Variants in SCP2 observed in about 807,000 individuals in gnomAD.
The protein encoded by SCP2 is SCP-2/3-oxoacyl-CoA thiolase.
Under a neutral mutation model 71.4 loss-of-function variants are expected in SCP2, and 48 were observed. The ratio of observed to expected loss-of-function variants is 0.67; its 90% CI spans 0.53 to 0.86. The LOEUF (loss-of-function observed/expected upper bound fraction) is 0.86. SCP2 is among the 40% of genes least tolerant of loss of function. The pLI is 0.00. For missense variants in SCP2, 560 were observed against 655.6 expected (o/e 0.85, Z 1.59); for synonymous variants, 220 against 218.1 (o/e 1.01, Z -0.08).
At chr1:52,936,687 T>A (rs940827166) in intron 1 of SCP2, among the ~76,000 whole-genome samples, 20 of 152,214 alleles carry the variant, frequency 1.3e-4, no homozygotes, top group Admixed American at 3.9e-4. Context: ...GACACTTTTT[T>A]AAAATAAATG....
At chr1:52,981,783 T>A (rs1658524330) in intron 10 of SCP2, among the ~76,000 whole-genome samples, 1 of 149,928 alleles carries the variant, frequency 6.7e-6, no homozygotes, top group Non-Finnish European at 1.5e-5. Flanking sequence ...TATATATATA[T>A]AAAATGTATA....
intron 4 of SCP2, among the ~76,000 whole-genome samples, chr1:52,953,697 T>A (rs867600670): frequency 1.3e-5 from 2 of 152,146 alleles, no homozygotes; most frequent in South Asian, 4.1e-4. Context: ...ATAATTTTTC[T>A]GTTATTAAAA....
chr1:52,967,436 A>G (rs1055763848), intron 6 of SCP2, among the ~76,000 whole-genome samples: 1 of 152,130 alleles, frequency 6.6e-6, no homozygotes, highest in African/African-American at 2.4e-5. Flanking sequence ...ATCAATTTGT[A>G]TAGAAGTCTG....
intron 11 of SCP2, among the ~76,000 whole-genome samples, chr1:53,002,316 G>C (rs567403164): frequency 6.6e-6 from 1 of 152,288 alleles, no homozygotes; most frequent in Admixed American, 6.5e-5. Context: ...ATATTTAAAG[G>C]GATAGTTGAA....
At chr1:53,014,408 G>T (rs773683505) in intron 11 of SCP2, among the ~76,000 whole-genome samples, 31 of 152,080 alleles carry the variant, frequency 2.0e-4, no homozygotes, top group Non-Finnish European at 4.3e-4. Context: ...TTATTATTCA[G>T]GGGACAGAAT....
At chr1:53,005,987 AG>A (rs1443146723) in intron 11 of SCP2, among the ~76,000 whole-genome samples, 2 of 152,236 alleles carry the variant, frequency 1.3e-5, no homozygotes, top group Admixed American at 6.5e-5. Context: ...CACATGCCAA[AG>A]CTTCAGTAGC....
chr1:53,014,254 A>T (rs1414086100), intron 11 of SCP2, among the ~76,000 whole-genome samples: 3 of 152,076 alleles, frequency 2.0e-5, no homozygotes, highest in Non-Finnish European at 4.4e-5. Flanking sequence ...GGTCCGATAG[A>T]AAGGCAAACA....
chr1:52,962,026 C>T (rs576356995), intron 6 of SCP2, among the ~76,000 whole-genome samples: 59 of 152,224 alleles, frequency 3.9e-4, no homozygotes, highest in Middle Eastern at 6.8e-3. Flanking sequence ...CCCAGCCTCT[C>T]GAATAGCTGG....
chr1:53,025,466 T>C (rs1211998516), intron 12 of SCP2, among the ~76,000 whole-genome samples: 1 of 152,216 alleles, frequency 6.6e-6, no homozygotes, highest in Non-Finnish European at 1.5e-5. Context: ...TTTTATAAAA[T>C]AGTATACTTA....
intron 14 of SCP2, among the ~76,000 whole-genome samples, chr1:53,043,816 T>C (rs901825579): frequency 6.6e-6 from 1 of 152,216 alleles, no homozygotes; most frequent in Non-Finnish European, 1.5e-5. Flanking sequence ...TCGTGCTCTT[T>C]GATGTTATAT....
intron 1 of SCP2, among the ~76,000 whole-genome samples, chr1:52,928,171 C>T (rs144537681): frequency 9.8e-4 from 150 of 152,340 alleles, no homozygotes; most frequent in Non-Finnish European, 2.0e-3. Context: ...CCTGACTTTC[C>T]CCTAGAGCCT....
chr1:52,966,242 T>G (rs1398711310), intron 6 of SCP2, among the ~76,000 whole-genome samples: 7 of 152,102 alleles, frequency 4.6e-5, no homozygotes, highest in Non-Finnish European at 1.0e-4. Flanking sequence ...GTTAAGCACA[T>G]AGATATATCT....
At chr1:52,937,951 G>GCC (rs1234544707) in intron 1 of SCP2, among the ~76,000 whole-genome samples, 2 of 152,194 alleles carry the variant, frequency 1.3e-5, no homozygotes, top group African/African-American at 4.8e-5. Context: ...AAAGGGGGGT[G>GCC]GGTTATTCAT....
intron 11 of SCP2, among the ~76,000 whole-genome samples, chr1:52,999,468 A>G (rs1660160579): frequency 6.6e-6 from 1 of 152,054 alleles, no homozygotes; most frequent in Non-Finnish European, 1.5e-5. Flanking sequence ...TTGGTTGGGA[A>G]CTCAGTATTG....
At chr1:52,980,684 T>C (rs2150174142) in intron 10 of SCP2, 141 bp downstream of exon 10, 1 of 843,926 alleles carries the variant, frequency 1.2e-6, no homozygotes, top group East Asian at 2.5e-5. Context: ...TGTAAGCTGT[T>C]TTGGTAGTGG....
chr1:52,978,478 T>C, intron 9 of SCP2, 111 bp downstream of exon 9: 1 of 849,420 alleles, frequency 1.2e-6, no homozygotes, highest in South Asian at 1.5e-5. Context: ...AGACATGCTA[T>C]TTGTCATTAT....
At chr1:52,947,026 C>G (rs1654859993) in intron 2 of SCP2, among the ~76,000 whole-genome samples, 1 of 148,780 alleles carries the variant, frequency 6.7e-6, no homozygotes, top group African/African-American at 2.5e-5. Context: ...GCGCCCTTGC[C>G]CTCCAGCCTG....
intron 1 of SCP2, among the ~76,000 whole-genome samples, chr1:52,938,571 T>G (rs1203466287): frequency 6.6e-6 from 1 of 152,216 alleles, no homozygotes; most frequent in Non-Finnish European, 1.5e-5. Context: ...CTTCACATTG[T>G]GTCTAGGATG....
chr1:53,028,069 G>C lies in SCP2; in HGVS notation c.1336G>C (p.Glu446Gln). 1 of 1,555,726 alleles carries C rather than the reference G, an allele frequency of 6.4e-7. No homozygotes were observed. Among genetic ancestry groups the C allele is most frequent in the Non-Finnish European group, 8.9e-7 (1 of 1,127,224 alleles). ...TAAGGAGATTGAGAAGAAACTTGAA[G>C]AGGTAAGATTTATGTAAAATATTGC... is the stretch of plus-strand genomic sequence containing the variant. ...VFKEIEKKLEEEGEQFVKKIG... is the reference protein window; with the variant it reads ...VFKEIEKKLEQEGEQFVKKIG... Residue 446 changes from glutamate (E) to glutamine (Q), a missense_variant and splice_region_variant, in exon 13 of 16, where the codon GAG becomes CAG. This residue lies in a region of SCP2 where 513 missense variants were observed against 573.1 expected (regional missense o/e 0.90). Transcript: ENST00000371514.
Sources: gnomAD v4.1 joint callset for allele counts (sites outside exome capture counted in the v4.1 genomes callset) on GRCh38, gnomAD v4.1.1 for gene constraint, gnomAD v4.1.1 regional missense constraint, MANE v1.5 for transcripts, NCBI Gene and HGNC (gene_info 2026-07-23, HGNC 2026-07-21) for gene names.